The following MALRD1 variants were observed in gnomAD, a reference collection of about 807,000 sequenced individuals.
MALRD1 encodes the protein MAM and LDL receptor class A domain containing 1, also known as MAM and LDL-receptor class A domain-containing protein 1.
A neutral mutation model predicts 242.1 loss-of-function variants in MALRD1; 247 were observed. That is an observed-to-expected ratio of 1.02 (90% confidence interval 0.92 to 1.13). The LOEUF is 1.13. Ranked by LOEUF, MALRD1 falls within the 50% of genes most tolerant of loss-of-function variation. The pLI is 0.00. For missense variants in MALRD1, 2,989 were observed against 2,533.1 expected, an observed-to-expected ratio of 1.18 and a Z score of -3.86; for synonymous variants, 995 against 866.6, an observed-to-expected ratio of 1.15 and a Z score of -2.60.
At chr10:19,532,788 A>C (rs1190716713) in intron 32 of MALRD1, among the ~76,000 whole-genome samples, 2 of 152,242 alleles carry the variant, frequency 1.3e-5, no homozygotes, top group African/African-American at 4.8e-5. Flanking sequence ...CAACAGAGAA[A>C]GAGGTTCATT....
intron 20 of MALRD1, among the ~76,000 whole-genome samples, chr10:19,281,606 A>T (rs1840813525): frequency 6.6e-6 from 1 of 152,224 alleles, no homozygotes; most frequent in African/African-American, 2.4e-5. Flanking sequence ...CCCTTTTGTA[A>T]GATAAAATAG....
chr10:19,514,917 T>C (rs1007907197), intron 31 of MALRD1, among the ~76,000 whole-genome samples: 12 of 152,222 alleles, frequency 7.9e-5, no homozygotes, highest in Non-Finnish European at 1.3e-4. Flanking sequence ...TAAATGCTTA[T>C]TTTTTTGGAA....
chr10:19,176,857 C>T lies in MALRD1; in HGVS notation c.1951+1529C>T, dbSNP rs74468577. On this transcript the variant is annotated intron_variant, in intron 14 of 39. Transcript: ENST00000454679. ...GCATGCCTGTGTGTCTGTGTGTGTG[C>T]GTGCATGTGTGCATGTGTGTGTGTG... Among the ~76,000 whole-genome samples, 719 of 142,062 alleles carry T rather than the reference C, an allele frequency of 5.1e-3. 14 individuals carry two copies. In the East Asian group the frequency reaches 0.053, roughly 11 times the overall value. 93.2% of individuals were successfully genotyped at this position (142,062 alleles called of 152,430 possible). A position where few individuals can be genotyped will look rare whatever the true frequency, so the allele number is the denominator to read the frequency against.
chr10:19,402,288 T>G (rs1390212125), intron 28 of MALRD1, among the ~76,000 whole-genome samples: 1 of 152,158 alleles, frequency 6.6e-6, no homozygotes, highest in African/African-American at 2.4e-5. Flanking sequence ...CATGATATGG[T>G]TTGGCTGTTT....
rs115182309 is a variant in MALRD1, at chr10:19,087,079, T to C, written c.341-761T>C. ...GCTATCTTATCTGTATTTTACTGTC[T>C]GCTCTTTCTAGCTGCTTGTTGTTAG... On this transcript the variant is annotated intron_variant, in intron 2 of 39. Transcript: ENST00000454679. 1.4e-3 allele frequency among the ~76,000 whole-genome samples: 212 copies of C among 152,218 alleles called. 1 individual carries two copies. Among genetic ancestry groups the C allele is most frequent in the African/African-American group, 4.7e-3 (197 of 41,564 alleles).
At chr10:19,276,123 T>C (rs1840511468) in intron 19 of MALRD1, among the ~76,000 whole-genome samples, 1 of 152,200 alleles carries the variant, frequency 6.6e-6, no homozygotes, top group Non-Finnish European at 1.5e-5. Context: ...TATCTAAATA[T>C]GGAACAGACC....
intron 28 of MALRD1, among the ~76,000 whole-genome samples, chr10:19,450,100 G>A (rs759387713): frequency 3.5e-4 from 53 of 152,158 alleles, no homozygotes; most frequent in Middle Eastern, 3.4e-3. Flanking sequence ...TGCTTTCCCC[G>A]ACCCCTGACC....
intron 8 of MALRD1, among the ~76,000 whole-genome samples, chr10:19,132,822 T>G (rs1201589757): frequency 6.6e-6 from 1 of 152,156 alleles, no homozygotes; most frequent in Non-Finnish European, 1.5e-5. Flanking sequence ...TTTGAATGTC[T>G]AATAAAATGT....
rs530509894 is a variant in MALRD1, at chr10:19,307,463, G to A, written c.3420-16486G>A. Among the ~76,000 whole-genome samples the A allele has an allele frequency of 4.6e-5, 7 of 151,620 alleles. No individual in the cohort carries two copies. In the South Asian group the frequency reaches 1.2e-3, roughly 27 times the overall value. On this transcript the variant is annotated intron_variant, in intron 21 of 39. Transcript: ENST00000454679. ...ATTCTAACTTTTTAGCTTGAGAGATGTGAAAAATTGAGAATTTGACACATT... is the reference window on the plus strand; with the variant it reads ...ATTCTAACTTTTTAGCTTGAGAGATATGAAAAATTGAGAATTTGACACATT...
chr10:19,552,349 T>G (rs78686018), intron 32 of MALRD1, among the ~76,000 whole-genome samples: 3,189 of 152,262 alleles, frequency 0.021, 61 homozygotes, highest in East Asian at 0.1. Flanking sequence ...ATTTCCTAGT[T>G]CATGTGCATA....
At chr10:19,214,514 G>A (rs1367530190) in intron 18 of MALRD1, among the ~76,000 whole-genome samples, 2 of 152,186 alleles carry the variant, frequency 1.3e-5, no homozygotes, top group African/African-American at 4.8e-5. Context: ...ATAATTTTCA[G>A]ATGGCACAGA....
intron 11 of MALRD1, among the ~76,000 whole-genome samples, chr10:19,152,792 C>G (rs1398596420): frequency 6.6e-6 from 1 of 151,828 alleles, no homozygotes; most frequent in Non-Finnish European, 1.5e-5. Context: ...TTCTCTTTTT[C>G]TATAATGTCT....
chr10:19,284,245 C>A (rs1840980556), intron 21 of MALRD1, among the ~76,000 whole-genome samples: 1 of 132,548 alleles, frequency 7.5e-6, no homozygotes, highest in Admixed American at 7.8e-5. Context: ...ATTTTACATA[C>A]CAACTTTTTT....
chr10:19,190,542 C>G (rs1203780019), intron 14 of MALRD1, among the ~76,000 whole-genome samples: 1 of 150,352 alleles, frequency 6.7e-6, no homozygotes, highest in Non-Finnish European at 1.5e-5. Context: ...GATTTCAAAA[C>G]TTATTACAAA....
intron 38 of MALRD1, among the ~76,000 whole-genome samples, chr10:19,717,924 T>A (rs1388998026): frequency 6.6e-6 from 1 of 151,690 alleles, no homozygotes; most frequent in African/African-American, 2.4e-5. Context: ...GGCTGAGACA[T>A]GAGAATCATT....
At chr10:19,726,017 C>A (rs969780455) in intron 38 of MALRD1, among the ~76,000 whole-genome samples, 2 of 152,146 alleles carry the variant, frequency 1.3e-5, no homozygotes, top group African/African-American at 4.8e-5. Flanking sequence ...AGTGGTAAAT[C>A]TTCATGATCT....
chr10:19,727,650 G>A (rs924603231), intron 38 of MALRD1, among the ~76,000 whole-genome samples: 5 of 151,998 alleles, frequency 3.3e-5, no homozygotes, highest in Admixed American at 6.6e-5. Flanking sequence ...ATTATTCCTA[G>A]AGGTGGTTAT....
chr10:19,522,793 G>T (rs942192900), intron 31 of MALRD1, among the ~76,000 whole-genome samples: 1 of 152,068 alleles, frequency 6.6e-6, no homozygotes, highest in African/African-American at 2.4e-5. Context: ...ATCAGTATTT[G>T]GCTTTTAACT....
At chr10:19,217,372 T>A (rs1837364259) in intron 18 of MALRD1, among the ~76,000 whole-genome samples, 1 of 152,122 alleles carries the variant, frequency 6.6e-6, no homozygotes, top group African/African-American at 2.4e-5. Flanking sequence ...ACTTTTCCCC[T>A]GAAACATGCT....
Sources: allele counts gnomAD v4.1 joint callset (sites outside exome capture counted in the v4.1 genomes callset), GRCh38; gene constraint gnomAD v4.1.1; transcripts MANE v1.5; gene names NCBI Gene and HGNC (gene_info 2026-07-23, HGNC 2026-07-21).